Variants in PBX1 observed in about 807,000 individuals in gnomAD.
PBX1 encodes the protein PBX homeobox 1.
PBX1 carries 6 observed loss-of-function variants against 53.4 expected under a neutral mutation model. The observed-to-expected ratio is 0.11, with a 90% CI of 0.06 to 0.22. The LOEUF (loss-of-function observed/expected upper bound fraction) is 0.22. Ranked by LOEUF, PBX1 falls within the 10% of genes least tolerant of loss-of-function variation. The pLI, the probability that PBX1 is intolerant of heterozygous loss-of-function variation, is 1.00. For synonymous variants in PBX1, 204 were observed against 212.3 expected, an observed-to-expected ratio of 0.96 and a Z score of 0.34; for missense variants, 251 against 551.4, an observed-to-expected ratio of 0.46 and a Z score of 5.46.
intron 2 of PBX1, among the ~76,000 whole-genome samples, chr1:164,717,245 A>G (rs1285798204): frequency 3.3e-5 from 5 of 152,174 alleles, no homozygotes; most frequent in African/African-American, 1.2e-4. Flanking sequence ...TTCACATGGC[A>G]TTGGCATTAA....
chr1:164,684,519 A>T (rs1661981346), intron 2 of PBX1: 1 of 152,188 alleles, frequency 6.6e-6, no homozygotes, highest in African/African-American at 2.4e-5. Flanking sequence ...CAGGTATTTG[A>T]GGCAGACCAG....
chr1:164,766,122 A>T (rs1667047626), intron 2 of PBX1, among the ~76,000 whole-genome samples: 1 of 152,224 alleles, frequency 6.6e-6, no homozygotes, highest in Admixed American at 6.5e-5. Context: ...GGGTGACAAC[A>T]GAAACTGAAT....
chr1:164,619,442 G>C (rs1043461455), intron 2 of PBX1, among the ~76,000 whole-genome samples: 1 of 152,106 alleles, frequency 6.6e-6, no homozygotes, highest in African/African-American at 2.4e-5. Context: ...GGGTTATTCA[G>C]TGAAGGGGCA....
intron 2 of PBX1, among the ~76,000 whole-genome samples, chr1:164,717,492 G>A (rs1426123082): frequency 6.6e-6 from 1 of 152,108 alleles, no homozygotes; most frequent in Non-Finnish European, 1.5e-5. Context: ...TATCAGGCAG[G>A]TGTTCAAATA....
intron 2 of PBX1, among the ~76,000 whole-genome samples, chr1:164,603,654 G>C (rs1195713754): frequency 6.6e-6 from 1 of 152,108 alleles, no homozygotes; most frequent in Admixed American, 6.5e-5. Context: ...TTTGTTTAAG[G>C]TGTGATTACC....
chr1:164,710,079 A>G (rs1663667199), intron 2 of PBX1, among the ~76,000 whole-genome samples: 1 of 152,200 alleles, frequency 6.6e-6, no homozygotes, highest in South Asian at 2.1e-4. Flanking sequence ...AAATGAGCAA[A>G]TTTATGTAGA....
intron 2 of PBX1, among the ~76,000 whole-genome samples, chr1:164,747,558 GTC>G (rs1665963205): frequency 6.6e-6 from 1 of 152,106 alleles, no homozygotes; most frequent in Non-Finnish European, 1.5e-5. Flanking sequence ...AAGTAACTGT[GTC>G]TCTCTGAATC....
At chr1:164,623,377 C>T (rs1159847282) in intron 2 of PBX1, among the ~76,000 whole-genome samples, 41 of 152,284 alleles carry the variant, frequency 2.7e-4, no homozygotes, top group Non-Finnish European at 2.9e-5. Flanking sequence ...GATGGGCACA[C>T]CCGTGTGCAC....
At chr1:164,804,395 G>T (rs939846405) in intron 4 of PBX1, among the ~76,000 whole-genome samples, 2 of 152,166 alleles carry the variant, frequency 1.3e-5, no homozygotes, top group Non-Finnish European at 2.9e-5. Flanking sequence ...CATTGATCTA[G>T]TGTTGCTCTG....
At chr1:164,870,345 CTT>C (rs1267526401) in intron 2 of PBX1, among the ~76,000 whole-genome samples, 1 of 99,826 alleles carries the variant, frequency 1.0e-5, no homozygotes, top group Non-Finnish European at 2.0e-5. Flanking sequence ...TTCTTTCTTT[CTT>C]TCTTTCTTTC....
intron 2 of PBX1, among the ~76,000 whole-genome samples, chr1:164,757,012 G>A (rs1666564437): frequency 1.3e-5 from 2 of 152,136 alleles, no homozygotes; most frequent in Non-Finnish European, 2.9e-5. Context: ...AGTAGAAGTG[G>A]TATTTAGTCA....
At chr1:164,747,765 A>G (rs1454801283) in intron 2 of PBX1, among the ~76,000 whole-genome samples, 1 of 152,186 alleles carries the variant, frequency 6.6e-6, no homozygotes, top group East Asian at 1.9e-4. Context: ...AACCTGAGAT[A>G]CTATGATACC....
chr1:164,793,430 C>A (rs965136519), intron 3 of PBX1, among the ~76,000 whole-genome samples: 1 of 152,170 alleles, frequency 6.6e-6, no homozygotes, highest in African/African-American at 2.4e-5. Context: ...TCTGCATACT[C>A]AATTCTGAAA....
chr1:164,671,629 TCTC>T (rs1265657618), intron 2 of PBX1, among the ~76,000 whole-genome samples: 4 of 152,114 alleles, frequency 2.6e-5, no homozygotes, highest in African/African-American at 9.7e-5. Context: ...TCCTTTGCTC[TCTC>T]CTCCTCATAA....
chr1:164,734,098 T>C (rs760724297), intron 2 of PBX1, among the ~76,000 whole-genome samples: 7 of 152,230 alleles, frequency 4.6e-5, no homozygotes, highest in Admixed American at 2.0e-4. Context: ...TGACTGTGAT[T>C]TTAATGGACA....
In PBX1 at chr1:164,860,794, C is replaced by A. The variant is rs148606157; in HGVS notation, n.257+29311C>A. 5.5e-3 allele frequency among the ~76,000 whole-genome samples: 839 copies of A among 152,184 alleles called. 10 individuals are homozygous for A. Among genetic ancestry groups the A allele is most frequent in the African/African-American group, 0.019 (796 of 41,508 alleles). ...CATAAATTACTAGAATTCAAGGATC[C>A]GATCTCCCTCACATACAGAACAAAG... On this transcript the variant is annotated intron_variant and non_coding_transcript_variant, in intron 2 of 2. Transcript: ENST00000558796.
chr1:164,600,377 G>A (rs1233897249), intron 2 of PBX1, among the ~76,000 whole-genome samples: 2 of 149,456 alleles, frequency 1.3e-5, no homozygotes, highest in Non-Finnish European at 3.0e-5. Context: ...TCAGCCTCCC[G>A]AGTAGCTGGG....
chr1:164,664,732 G>T lies in PBX1; in HGVS notation c.265+101421G>T, dbSNP rs965741962. Among the ~76,000 whole-genome samples the T allele has an allele frequency of 2.4e-4, 36 of 152,206 alleles. 1 individual carries two copies. The highest frequency in any genetic ancestry group is 2.9e-5 in the Non-Finnish European group (2 of 68,044). On this transcript the variant is annotated intron_variant, in intron 2 of 8. Coordinates refer to ENST00000420696, the MANE Select transcript of PBX1 (RefSeq NM_002585.4). ...GCTGGGGAGGCCTCACAATCATGGC[G>T]GAAGGCAAGGAGGAGCAAGTCATAT... is the stretch of plus-strand genomic sequence containing the variant.
chr1:164,864,106 G>T (rs1672161589), intron 2 of PBX1, among the ~76,000 whole-genome samples: 1 of 152,188 alleles, frequency 6.6e-6, no homozygotes, highest in African/African-American at 2.4e-5. Flanking sequence ...ATTGCCACGG[G>T]CAGGGTGACT....
Sources: gnomAD v4.1 joint callset for allele counts (sites outside exome capture counted in the v4.1 genomes callset) on GRCh38, gnomAD v4.1.1 for gene constraint, MANE v1.5 for transcripts, NCBI Gene and HGNC (gene_info 2026-07-23, HGNC 2026-07-21) for gene names.